NRG3: variants seen among roughly 807,000 people sequenced by gnomAD.
The protein encoded by NRG3 is neuregulin 3.
NRG3 carries 31 observed loss-of-function variants against 66.9 expected under a neutral mutation model. The observed-to-expected ratio is 0.46, with a 90% CI of 0.35 to 0.63. The LOEUF (loss-of-function observed/expected upper bound fraction) is 0.63, where lower values mean the gene tolerates loss of function less well. Ranked by LOEUF, NRG3 falls within the 20% of genes least tolerant of loss-of-function variation. The pLI is 0.00. For missense variants in NRG3, 910 were observed against 878.9 expected (o/e 1.04, Z -0.45); for synonymous variants, 393 against 359.4 (o/e 1.09, Z -1.06).
At chr10:82,393,930 G>A (rs149728968) in intron 2 of NRG3, among the ~76,000 whole-genome samples, 82 of 152,254 alleles carry the variant, frequency 5.4e-4, no homozygotes, top group Non-Finnish European at 9.1e-4. Context: ...TGTGGTCAGA[G>A]ATTCTTCCAT....
intron 1 of NRG3, among the ~76,000 whole-genome samples, chr10:82,225,833 T>C (rs574689370): frequency 6.6e-6 from 1 of 152,290 alleles, no homozygotes; most frequent in East Asian, 1.9e-4. Context: ...ATATAGTTTA[T>C]TTAGTGTTAT....
chr10:82,635,784 G>A (rs1376362619), intron 2 of NRG3, among the ~76,000 whole-genome samples: 1 of 151,932 alleles, frequency 6.6e-6, no homozygotes, highest in Non-Finnish European at 1.5e-5. Flanking sequence ...CATAATATGA[G>A]ACATTGCAAA....
chr10:82,004,799 TG>T (rs1293612238), intron 1 of NRG3, among the ~76,000 whole-genome samples: 1 of 152,116 alleles, frequency 6.6e-6, no homozygotes, highest in Non-Finnish European at 1.5e-5. Flanking sequence ...AGAAAGACCA[TG>T]GGAAGACGCT....
intron 2 of NRG3, among the ~76,000 whole-genome samples, chr10:82,399,996 T>C (rs201840410): frequency 3.9e-5 from 6 of 152,168 alleles, no homozygotes; most frequent in East Asian, 3.9e-4. Context: ...AGCCTTCAAA[T>C]TGATGTCTGC....
intron 2 of NRG3, among the ~76,000 whole-genome samples, chr10:82,557,146 G>T (rs1227740823): frequency 6.6e-6 from 1 of 152,106 alleles, no homozygotes; most frequent in African/African-American, 2.4e-5. Context: ...ATTCCTCTGG[G>T]TATATACCCA....
intron 2 of NRG3, among the ~76,000 whole-genome samples, chr10:82,411,081 A>G (rs1055387426): frequency 2.0e-5 from 3 of 151,994 alleles, no homozygotes; most frequent in Admixed American, 1.3e-4. Context: ...ATCCCTGACT[A>G]ATTTTTGTAT....
chr10:82,935,526 TAAAC>T lies in NRG3; in HGVS notation c.1055-15940_1055-15937del, dbSNP rs538901276. Among the ~76,000 whole-genome samples, 7 of 152,318 alleles carry T rather than the reference TAAAC, an allele frequency of 4.6e-5. No homozygotes were observed. The East Asian group carries it at 1.3e-3, about 29-fold the overall frequency. On this transcript the variant is annotated intron_variant, in intron 4 of 8. Coordinates refer to ENST00000372141, the MANE Select transcript of NRG3 (RefSeq NM_001010848.4). ...TGAGATAGACCTATGAGCACTAACA[TAAAC>T]AACGCCCATGACTTATTACAAGTTT...
chr10:82,634,901 A>C (rs370650557), intron 2 of NRG3, among the ~76,000 whole-genome samples: 3 of 152,256 alleles, frequency 2.0e-5, no homozygotes, highest in African/African-American at 7.2e-5. Context: ...CTTTCTATAA[A>C]TGTGGGTTGG....
rs1309799565 is a variant in NRG3, at chr10:81,875,757, C to T, written c.417C>T (p.Thr139=). ...TTTTSTTSPA[T]PSAGGAASSR... ...CCACTTCCACCACGTCCCCCGCCAC[C>T]CCCTCCGCCGGGGGTGCCGCCTCCT... Residue 139 remains threonine, a synonymous_variant, in exon 1 of 9, where the codon ACC becomes ACT. Transcript: ENST00000372141. The surrounding 1 kb of genome is among the most constrained non-coding windows in gnomAD (Gnocchi z 5.3). The T allele has an allele frequency of 6.2e-7, 1 of 1,612,486 alleles. No individual in the cohort carries two copies. The highest frequency in any genetic ancestry group is 1.1e-5 in the South Asian group (1 of 91,062).
chr10:82,080,674 G>C (rs1306330658), intron 1 of NRG3, among the ~76,000 whole-genome samples: 1 of 151,928 alleles, frequency 6.6e-6, no homozygotes, highest in Non-Finnish European at 1.5e-5. Flanking sequence ...TCTGATTTTT[G>C]CTTAGCCACA....
At chr10:82,450,025 G>C (rs995928326) in intron 2 of NRG3, among the ~76,000 whole-genome samples, 1 of 152,176 alleles carries the variant, frequency 6.6e-6, no homozygotes, top group Admixed American at 6.5e-5. Context: ...CAGTATTTCT[G>C]CAAGAGGATG....
intron 2 of NRG3, among the ~76,000 whole-genome samples, chr10:82,414,544 T>C (rs982106627): frequency 1.3e-5 from 2 of 152,174 alleles, no homozygotes; most frequent in African/African-American, 4.8e-5. Flanking sequence ...GGCACTGATA[T>C]AAACTTCCTC....
intron 2 of NRG3, among the ~76,000 whole-genome samples, chr10:82,391,993 C>CAAAAAAAAAAAAA (rs775895969): frequency 2.6e-5 from 1 of 38,846 alleles, no homozygotes; most frequent in Non-Finnish European, 4.9e-5. Context: ...CGAGCACATG[C>CAAAAAAAAAAAAA]AAAAAAAAAA....
intron 4 of NRG3, among the ~76,000 whole-genome samples, chr10:82,926,602 G>A (rs1481930186): frequency 6.6e-6 from 1 of 152,120 alleles, no homozygotes; most frequent in African/African-American, 2.4e-5. Flanking sequence ...TTGTAATGCC[G>A]GGTAATTACT....
At chr10:82,445,605 C>A (rs2090677344) in intron 2 of NRG3, among the ~76,000 whole-genome samples, 1 of 152,164 alleles carries the variant, frequency 6.6e-6, no homozygotes, top group African/African-American at 2.4e-5. Flanking sequence ...CCGCTAAAAA[C>A]TTGGGAAATA....
intron 1 of NRG3, among the ~76,000 whole-genome samples, chr10:82,140,997 T>A (rs559903590): frequency 5.8e-4 from 88 of 152,248 alleles, no homozygotes; most frequent in Non-Finnish European, 1.0e-3. Context: ...ATACATATAT[T>A]CATATATATG....
chr10:82,533,849 T>C (rs1847547752), intron 2 of NRG3, among the ~76,000 whole-genome samples: 3 of 152,072 alleles, frequency 2.0e-5, no homozygotes, highest in Admixed American at 2.0e-4. Context: ...CCCTGAAGGC[T>C]CCATTTAAAA....
rs200152946 is a variant in NRG3, at chr10:81,903,993, TATA to T, written c.823+27831_823+27833del. The stretch of plus-strand genomic sequence containing the variant: ...GAGTGTGTATATATATATATATATA[TATA>T]TTTTTTTTTTTTGTTTGTTTGTTTG... On this transcript the variant is annotated intron_variant, in intron 1 of 8. Coordinates refer to ENST00000372141, the MANE Select transcript of NRG3 (RefSeq NM_001010848.4). 8.3e-3 allele frequency among the ~76,000 whole-genome samples: 843 copies of T among 101,034 alleles called. 2 individuals are homozygous for T. The highest frequency in any genetic ancestry group is 0.032 in the African/African-American group (656 of 20,732). The allele number at this position is 101,034 out of a possible 152,430, so 66.3% of individuals were successfully genotyped here.
At chr10:82,494,181 C>T (rs956510264) in intron 2 of NRG3, among the ~76,000 whole-genome samples, 5 of 152,226 alleles carry the variant, frequency 3.3e-5, no homozygotes, top group Non-Finnish European at 5.9e-5. Context: ...GACAGTGTGG[C>T]GATTCCTCAA....
Sources: gnomAD v4.1 joint callset for allele counts (sites outside exome capture counted in the v4.1 genomes callset) on GRCh38, gnomAD v4.1.1 for gene constraint, Gnocchi (gnomAD v3.1) non-coding constraint, MANE v1.5 for transcripts, NCBI Gene and HGNC (gene_info 2026-07-23, HGNC 2026-07-21) for gene names.